LYZL4: variants seen among roughly 807,000 people sequenced by gnomAD.
The protein encoded by LYZL4 is lysozyme like 4, also known as lysozyme-like protein 4.
Under a neutral mutation model 17.6 loss-of-function variants are expected in LYZL4, and 13 were observed. The observed-to-expected ratio is 0.74, with a 90% CI of 0.48 to 1.18. The LOEUF (loss-of-function observed/expected upper bound fraction) is 1.18. Ranked by LOEUF, LYZL4 falls within the 50% of genes most tolerant of loss-of-function variation. The probability of loss-of-function intolerance (pLI) is 0.00; values close to 1 mark genes in which losing one functional copy is unlikely to be tolerated. For missense variants in LYZL4, 174 were observed against 188.2 expected (o/e 0.92, Z 0.44); for synonymous variants, 64 against 67.7 (o/e 0.95, Z 0.27).
chr3:42,384,629 C>A, the LYZL4 span, among the ~76,000 whole-genome samples: 12 of 152,176 alleles, frequency 7.9e-5, no homozygotes, highest in Non-Finnish European at 1.3e-4. Context: ...CAAGCAAAAA[C>A]AATGCTTCGC....
the LYZL4 span, among the ~76,000 whole-genome samples, chr3:42,382,671 G>C: frequency 3.3e-5 from 5 of 151,746 alleles, no homozygotes; most frequent in Non-Finnish European, 7.4e-5. Context: ...TAAACCATGG[G>C]GCTGGAACTA....
rs1032018436 is a variant in LYZL4, at chr3:42,397,096, T to C, written c.*169A>G. ...CTTTGGCCCAAGTTGAGTAACTAGT[T>C]TGGTTTATTCTGCATCCTGCATCCC... On this transcript the variant is annotated 3_prime_UTR_variant, in exon 5 of 5. Coordinates refer to ENST00000287748, the MANE Select transcript of LYZL4 (RefSeq NM_144634.4). 1.9e-6 allele frequency: 1 copy of C among 523,184 alleles called. No individual in the cohort carries two copies. The highest frequency in any genetic ancestry group is 3.5e-6 in the Non-Finnish European group (1 of 283,718). 32.4% of individuals were successfully genotyped at this position (523,184 alleles called of 1,614,324 possible). A position where few individuals can be genotyped will look rare whatever the true frequency, so the allele number is the denominator to read the frequency against.
chr3:42,361,100 A>G, the LYZL4 span, among the ~76,000 whole-genome samples: 3 of 152,134 alleles, frequency 2.0e-5, no homozygotes, highest in Non-Finnish European at 4.4e-5. Context: ...AACAATTTTT[A>G]TTAGTTTCTA....
At chr3:42,392,255 A>T (rs1698490692), downstream of LYZL4, among the ~76,000 whole-genome samples, 1 of 152,148 alleles carries the variant, frequency 6.6e-6, no homozygotes, top group Non-Finnish European at 1.5e-5. Flanking sequence ...CGCAGTTCAT[A>T]ACCACATGGG....
In LYZL4 at chr3:42,410,026, C is replaced by T. The variant is rs147296382; in HGVS notation, c.-93+391G>A. On this transcript the variant is annotated intron_variant, in intron 1 of 4. Coordinates refer to ENST00000287748, the MANE Select transcript of LYZL4 (RefSeq NM_144634.4). ...ACATGACTGCCCTGACCACCACATA[C>T]GAGCTCACTACCTCAAAGAAGATTC... Among the ~76,000 whole-genome samples, 60 of 152,310 alleles carry T rather than the reference C, an allele frequency of 3.9e-4. No individual in the cohort carries two copies. The East Asian group carries it at 8.1e-3, about 21-fold the overall frequency.
At chr3:42,406,613 A>G (rs1425024157) in intron 3 of LYZL4, among the ~76,000 whole-genome samples, 2 of 151,974 alleles carry the variant, frequency 1.3e-5, no homozygotes, top group African/African-American at 4.8e-5. Context: ...GCCCATTTGG[A>G]CAGGGGTCTC....
Position 42,397,341 on chromosome 3 carries a change from A to T in LYZL4, c.372-7T>A, listed in dbSNP as rs1002911683. The T allele has an allele frequency of 3.2e-6, 5 of 1,565,110 alleles. No homozygotes were observed. The African/African-American group carries it at 6.8e-5, about 21-fold the overall frequency. On this transcript the variant is annotated splice_region_variant and splice_polypyrimidine_tract_variant and intron_variant, in intron 4 of 4. Transcript: ENST00000287748. ...GTACCGGGACCAGGTGGGCCTGTGG[A>T]GAGAAGTGAACAGGAAGGGCTCCTC... is the stretch of plus-strand genomic sequence containing the variant.
At chr3:42,361,780 G>A in the LYZL4 span, among the ~76,000 whole-genome samples, 1 of 152,048 alleles carries the variant, frequency 6.6e-6, no homozygotes, top group East Asian at 1.9e-4. Flanking sequence ...CAGGGTTTAG[G>A]TTCACAGCAA....
chr3:42,365,604 C>T, the LYZL4 span, among the ~76,000 whole-genome samples: 1 of 152,192 alleles, frequency 6.6e-6, no homozygotes, highest in Non-Finnish European at 1.5e-5. Flanking sequence ...TGTTTGCTAA[C>T]ATCCCATTGG....
chr3:42,406,453 CA>C (rs565639489), intron 3 of LYZL4, among the ~76,000 whole-genome samples: 354 of 84,076 alleles, frequency 4.2e-3, no homozygotes, highest in African/African-American at 0.011. Flanking sequence ...GACTCCGTCT[CA>C]AAAAAAAAAA....
chr3:42,399,609 G>A (rs1030368154), intron 4 of LYZL4, among the ~76,000 whole-genome samples: 1 of 152,166 alleles, frequency 6.6e-6, no homozygotes, highest in Non-Finnish European at 1.5e-5. Flanking sequence ...GATTCCATGT[G>A]TGTTTTAAAA....
At chr3:42,406,007 C>T (rs997256705) in intron 3 of LYZL4, among the ~76,000 whole-genome samples, 5 of 152,108 alleles carry the variant, frequency 3.3e-5, no homozygotes, top group South Asian at 2.1e-4. Context: ...TAAATGCTCA[C>T]GCAGTTAGTG....
At chr3:42,383,177 T>G in the LYZL4 span, among the ~76,000 whole-genome samples, 1 of 152,134 alleles carries the variant, frequency 6.6e-6, no homozygotes, top group African/African-American at 2.4e-5. Context: ...AACAAGAGGT[T>G]TAAATAAACA....
At chr3:42,372,788 A>C in the LYZL4 span, among the ~76,000 whole-genome samples, 5 of 152,338 alleles carry the variant, frequency 3.3e-5, no homozygotes, top group East Asian at 5.8e-4. Context: ...AGCTGCTGGC[A>C]ATTGACATAT....
chr3:42,387,146 AT>A, the LYZL4 span, among the ~76,000 whole-genome samples: 2 of 152,120 alleles, frequency 1.3e-5, no homozygotes, highest in African/African-American at 4.8e-5. Flanking sequence ...ACTGTGCAAT[AT>A]TTCATTTAAC....
the LYZL4 span, among the ~76,000 whole-genome samples, chr3:42,375,421 A>G: frequency 6.6e-6 from 1 of 152,266 alleles, no homozygotes; most frequent in Non-Finnish European, 1.5e-5. Context: ...AAGTTTGCCC[A>G]GTACACTGGG....
the LYZL4 span, among the ~76,000 whole-genome samples, chr3:42,391,743 G>A: frequency 6.6e-6 from 1 of 152,068 alleles, no homozygotes; most frequent in African/African-American, 2.4e-5. Flanking sequence ...TACAATATCA[G>A]TTTTAAGAAA....
intron 4 of LYZL4, among the ~76,000 whole-genome samples, chr3:42,400,459 G>A (rs1176274895): frequency 1.3e-5 from 2 of 152,158 alleles, no homozygotes; most frequent in Non-Finnish European, 2.9e-5. Flanking sequence ...TTTTGAAAAT[G>A]AAGATAAGAA....
At chr3:42,387,215 G>A in the LYZL4 span, among the ~76,000 whole-genome samples, 1 of 152,114 alleles carries the variant, frequency 6.6e-6, no homozygotes, top group African/African-American at 2.4e-5. Flanking sequence ...CCATTTTGCA[G>A]ACGAGGGAAG....
Sources: gnomAD v4.1 joint callset for allele counts (sites outside exome capture counted in the v4.1 genomes callset) on GRCh38, gnomAD v4.1.1 for gene constraint, MANE v1.5 for transcripts, NCBI Gene and HGNC (gene_info 2026-07-23, HGNC 2026-07-21) for gene names.